CYGB: variants seen among roughly 807,000 people sequenced by gnomAD.
CYGB encodes the protein histoglobin.
CYGB carries 13 observed loss-of-function variants against 20.7 expected under a neutral mutation model. The ratio of observed to expected loss-of-function variants is 0.63; its 90% confidence interval spans 0.41 to 1.00. The LOEUF is 1.00. Ranked by LOEUF, CYGB falls within the 50% of genes least tolerant of loss-of-function variation. The pLI, the probability that CYGB is intolerant of heterozygous loss-of-function variation, is 0.00. For missense variants in CYGB, 218 were observed against 257.2 expected (o/e 0.85, Z 1.04); for synonymous variants, 93 against 107.4 (o/e 0.87, Z 0.83).
chr17:76,540,257 G>A, upstream of CYGB: 3 of 1,159,338 alleles, frequency 2.6e-6, no homozygotes, highest in African/African-American at 1.5e-5. The surrounding 1 kb of genome is among the most constrained non-coding windows in gnomAD (Gnocchi z 5.0). Context: ...TGGTCGGGGG[G>A]GGGGGGCATG....
chr17:76,538,862 C>T (rs889205857), upstream of CYGB, among the ~76,000 whole-genome samples: 4 of 152,262 alleles, frequency 2.6e-5, no homozygotes. Flanking sequence ...TGTCCTCGCT[C>T]AAGACTTGAT....
At chr17:76,550,392 C>A (rs2143217949) in intron 1 of CYGB, 1 of 151,654 alleles carries the variant, frequency 6.6e-6, no homozygotes, top group Admixed American at 6.6e-5. Context: ...TCCTGAGTAG[C>A]TGGGATTACA....
In CYGB at chr17:76,544,712, G is replaced by A. The variant is rs774585327; in HGVS notation, c.-53+6150C>T. ...CTGAGGGCCAGAGGGCACTGTTCCCGGGACCCAGTCTGTGTTCCCCGATCC... is the reference window on the plus strand; with the variant it reads ...CTGAGGGCCAGAGGGCACTGTTCCCAGGACCCAGTCTGTGTTCCCCGATCC... On this transcript the variant is annotated intron_variant, in intron 1 of 3. Coordinates refer to the CYGB transcript ENST00000589145. The A allele has an allele frequency of 9.0e-5, 41 of 456,672 alleles. 2 individuals carry two copies. Among genetic ancestry groups the A allele is most frequent in the South Asian group, 6.0e-4 (39 of 64,580 alleles). The allele number at this position is 456,672 out of a possible 1,614,324, so 28.3% of individuals were successfully genotyped here.
At chr17:76,540,824 G>T (rs2074983370), upstream of CYGB, among the ~76,000 whole-genome samples, 1 of 152,198 alleles carries the variant, frequency 6.6e-6, no homozygotes, top group Non-Finnish European at 1.5e-5. The surrounding 1 kb of genome is among the most constrained non-coding windows in gnomAD (Gnocchi z 5.0). Context: ...AGCACGGGGC[G>T]GTCCCCCGGG....
At chr17:76,548,573 T>C (rs1387874137) in intron 1 of CYGB, among the ~76,000 whole-genome samples, 2 of 152,202 alleles carry the variant, frequency 1.3e-5, no homozygotes, top group Non-Finnish European at 2.9e-5. Context: ...TGGACCTCGG[T>C]TTCCTCATTT....
intron 3 of CYGB, chr17:76,529,918 G>A (rs752280461): frequency 1.0e-6 from 1 of 985,342 alleles, no homozygotes; most frequent in Non-Finnish European, 1.2e-6. Flanking sequence ...GGAGAGGGGG[G>A]AGGGGAGCAG....
chr17:76,528,650 G>C lies in CYGB; in HGVS notation c.540-39C>G. On this transcript the variant is annotated intron_variant, in intron 3 of 3. Coordinates refer to ENST00000293230, the MANE Select transcript of CYGB (RefSeq NM_134268.5). The surrounding 1 kb of genome is among the most constrained non-coding windows in gnomAD (Gnocchi z 5.8). ...AGGAAGGGAAGGACAAACGTTACCAGAGGCAGGGAAGGACCCTCGGGGGAA... is the reference window on the plus strand; with the variant it reads ...AGGAAGGGAAGGACAAACGTTACCACAGGCAGGGAAGGACCCTCGGGGGAA... 7.9e-7 allele frequency: 1 copy of C among 1,263,328 alleles called. No homozygotes were observed. Among genetic ancestry groups the C allele is most frequent in the Non-Finnish European group, 1.0e-6 (1 of 995,736 alleles). The allele number at this position is 1,263,328 out of a possible 1,614,324, so 78.3% of individuals were successfully genotyped here. A position where few individuals can be genotyped will look rare whatever the true frequency, so the allele number is the denominator to read the frequency against.
At chr17:76,540,259 G>GGT, upstream of CYGB, 1 of 1,026,674 alleles carries the variant, frequency 9.7e-7, no homozygotes. The surrounding 1 kb of genome is among the most constrained non-coding windows in gnomAD (Gnocchi z 5.0). Flanking sequence ...GTCGGGGGGG[G>GGT]GGGGCATGGG....
In CYGB at chr17:76,528,557, AG is replaced by A. The variant is rs754447986; in HGVS notation, c.*20del. 4.2e-6 allele frequency: 5 copies of A among 1,186,230 alleles called. No homozygotes were observed. Among genetic ancestry groups the A allele is most frequent in the Non-Finnish European group, 3.2e-6 (3 of 938,916 alleles). The allele number at this position is 1,186,230 out of a possible 1,614,324, so 73.5% of individuals were successfully genotyped here. ...CCTTCTGCTCGAGGTGCTGCCAGGGAGGGGGGTGGAGTTAGGGGTCCTACGG... is the reference window on the plus strand; with the variant it reads ...CCTTCTGCTCGAGGTGCTGCCAGGGAGGGGGTGGAGTTAGGGGTCCTACGG... On this transcript the variant is annotated 3_prime_UTR_variant, in exon 4 of 4. Coordinates refer to ENST00000293230, the MANE Select transcript of CYGB (RefSeq NM_134268.5). This position sits in a 1 kb window ranked among gnomAD's most constrained non-coding sequence, Gnocchi z 5.8.
chr17:76,543,389 G>A, intron 1 of CYGB: 2 of 342,282 alleles, frequency 5.8e-6, no homozygotes, highest in South Asian at 2.3e-5. Context: ...TAAGTAAGGA[G>A]TGAGGAGACC....
chr17:76,540,891 C>G (rs567587638), upstream of CYGB, among the ~76,000 whole-genome samples: 3 of 152,342 alleles, frequency 2.0e-5, no homozygotes, highest in East Asian at 3.9e-4. The surrounding 1 kb of genome is among the most constrained non-coding windows in gnomAD (Gnocchi z 5.0). Flanking sequence ...AGGAGTAGCT[C>G]TGTGTGGCTT....
chr17:76,543,263 G>A (rs559320425), intron 1 of CYGB: 39 of 361,332 alleles, frequency 1.1e-4, no homozygotes, highest in South Asian at 7.9e-4. Context: ...CCTTCCCTCT[G>A]AGTTCCTGAG....
rs773905784 is a variant in CYGB, at chr17:76,543,756, G to C, written c.-53+7106C>G. 4 of 469,944 alleles carry C rather than the reference G, an allele frequency of 8.5e-6. No homozygotes were observed. The East Asian group carries it at 2.1e-4, about 24-fold the overall frequency. 29.1% of individuals were successfully genotyped at this position (469,944 alleles called of 1,614,324 possible). The stretch of plus-strand genomic sequence containing the variant: ...ACTTGTGGTCCGAGGTGCTGGTGTC[G>C]GTTTGCCACAGTGGCACTCGCTTTT... On this transcript the variant is annotated intron_variant, in intron 1 of 3. Transcript: ENST00000589145.
intron 1 of CYGB, among the ~76,000 whole-genome samples, chr17:76,547,926 A>G (rs1308052674): frequency 6.6e-6 from 1 of 151,514 alleles, no homozygotes; most frequent in Non-Finnish European, 1.5e-5. Flanking sequence ...ACACACATAC[A>G]CATATACAAA....
At chr17:76,548,925 G>C (rs1293788526) in intron 1 of CYGB, among the ~76,000 whole-genome samples, 1 of 152,208 alleles carries the variant, frequency 6.6e-6, no homozygotes, top group East Asian at 1.9e-4. Context: ...GTGCCTTGGG[G>C]AGGGGAAACC....
At chr17:76,545,187 C>T (rs1297966213) in intron 1 of CYGB, 12 of 456,660 alleles carry the variant, frequency 2.6e-5, no homozygotes, top group South Asian at 4.6e-5. Context: ...GGGCTCTCTG[C>T]GCAGTCTGCA....
rs375562952 is a variant in CYGB at position 76,531,181 on chromosome 17, C to A, written c.376-39G>T. ...GAGGAAGGGGGAGTGAACGCCCGGGCGCCCTGCGTCCTGCAACCCCCAGGC... is the reference window on the plus strand; with the variant it reads ...GAGGAAGGGGGAGTGAACGCCCGGGAGCCCTGCGTCCTGCAACCCCCAGGC... On this transcript the variant is annotated intron_variant, in intron 2 of 3. Coordinates refer to ENST00000293230, the MANE Select transcript of CYGB (RefSeq NM_134268.5). This position sits in a 1 kb window ranked among gnomAD's most constrained non-coding sequence, Gnocchi z 7.4. 6.3e-7 allele frequency: 1 copy of A among 1,590,500 alleles called. No homozygotes were observed. Among genetic ancestry groups the A allele is most frequent in the Admixed American group, 1.7e-5 (1 of 58,510 alleles).
At chr17:76,543,499 A>G in intron 1 of CYGB, 1 of 347,888 alleles carries the variant, frequency 2.9e-6, no homozygotes, top group South Asian at 2.2e-5. Flanking sequence ...TGGTAATGTT[A>G]TTATCCACAA....
At position 76,533,505 on chromosome 17, in the gene CYGB, G is replaced by A. The variant is rs1418450788; in HGVS notation, c.144-1814C>T. ...TTTACGAGGCCGAGGCGGGTGGATT[G>A]CTTGAGCTCAGGCATTTGAGACCAG... On this transcript the variant is annotated intron_variant, in intron 1 of 3. Coordinates refer to ENST00000293230, the MANE Select transcript of CYGB (RefSeq NM_134268.5). The surrounding 1 kb of genome is among the most constrained non-coding windows in gnomAD (Gnocchi z 4.5). Among the ~76,000 whole-genome samples, 1 of 152,202 alleles carries A rather than the reference G, an allele frequency of 6.6e-6. No homozygotes were observed. Among genetic ancestry groups the A allele is most frequent in the Non-Finnish European group, 1.5e-5 (1 of 68,030 alleles).
Sources: allele counts gnomAD v4.1 joint callset (sites outside exome capture counted in the v4.1 genomes callset), GRCh38; gene constraint gnomAD v4.1.1; non-coding constraint Gnocchi (gnomAD v3.1); transcripts MANE v1.5; gene names NCBI Gene and HGNC (gene_info 2026-07-23, HGNC 2026-07-21).